KRT9: variants seen among roughly 807,000 people sequenced by gnomAD.
The protein encoded by KRT9 is keratin 9.
In KRT9, 34 loss-of-function variants were observed where a neutral mutation model predicts 51.4. The ratio of observed to expected loss-of-function variants is 0.66; its 90% confidence interval spans 0.50 to 0.88. The LOEUF (loss-of-function observed/expected upper bound fraction) is 0.88, where lower values mean the gene tolerates loss of function less well. KRT9 is among the 40% of genes least tolerant of loss of function. The probability of loss-of-function intolerance (pLI) is 0.00; values close to 1 mark genes in which losing one functional copy is unlikely to be tolerated. For synonymous variants in KRT9, 292 were observed against 289.7 expected, an observed-to-expected ratio of 1.01 and a Z score of -0.08; for missense variants, 753 against 790.3, an observed-to-expected ratio of 0.95 and a Z score of 0.57.
Position 41,567,635 on chromosome 17 carries a change from C to G in KRT9, c.1510G>C (p.Gly504Arg). The change falls in exon 7 of 8, where the codon GGT becomes CGT. Residue 504 changes from glycine (G) to arginine (R), a missense_variant. Gly to Arg is a moderately radical substitution (Grantham distance 125). This residue lies in a region of KRT9 where 507 missense variants were observed against 563.7 expected (regional missense o/e 0.90). Transcript: ENST00000246662. The part of the protein sequence containing the change: ...GGSYGGGGSG[G>R]GYGGGSGSRG... ...GACCCACTTCCTCCACCATAGCCACCTCCACTTCCTCCTCCACCATAGCTG... is the reference window on the plus strand; with the variant it reads ...GACCCACTTCCTCCACCATAGCCACGTCCACTTCCTCCTCCACCATAGCTG... The G allele has an allele frequency of 6.3e-7, 1 of 1,591,248 alleles. No homozygotes were observed. The highest frequency in any genetic ancestry group is 8.6e-7 in the Non-Finnish European group (1 of 1,168,868).
At chr17:41,566,472 C>T (rs1906880228) in intron 7 of KRT9, among the ~76,000 whole-genome samples, 2 of 152,156 alleles carry the variant, frequency 1.3e-5, no homozygotes, top group Non-Finnish European at 2.9e-5. Flanking sequence ...CAGCCTCACT[C>T]CTAGATGTAT....
chr17:41,567,458 C>T lies in KRT9; in HGVS notation c.1687G>A (p.Gly563Ser). Residue 563 changes from glycine (G) to serine (S), a missense_variant, in exon 7 of 8, where the codon GGC becomes AGC. Around this residue, in one of 3 missense-constraint regions of KRT9, gnomAD observed 507 missense variants for 563.7 expected, o/e 0.90. Coordinates refer to ENST00000246662, the MANE Select transcript of KRT9 (RefSeq NM_000226.4). ...CCACCCCCACTTCCTCCTCCAGAGCCACTTCCTCCTCCATAGTTGCCCCCA... is the reference window on the plus strand; with the variant it reads ...CCACCCCCACTTCCTCCTCCAGAGCTACTTCCTCCTCCATAGTTGCCCCCA... ...GSGGNYGGGS[G>S]SGGGSGGGYG... The T allele has an allele frequency of 6.5e-7, 1 of 1,549,938 alleles. No homozygotes were observed. Among genetic ancestry groups the T allele is most frequent in the Non-Finnish European group, 8.7e-7 (1 of 1,147,704 alleles).
intron 3 of KRT9, 92 bp from the exon 4 acceptor site, chr17:41,569,679 G>A: frequency 6.4e-7 from 1 of 1,558,520 alleles, no homozygotes; most frequent in Non-Finnish European, 8.8e-7. Context: ...GGTACAAAAA[G>A]GGGACACAGT....
At chr17:41,570,592 G>A (rs2144571321) in intron 1 of KRT9, among the ~76,000 whole-genome samples, 1 of 152,354 alleles carries the variant, frequency 6.6e-6, no homozygotes, top group Admixed American at 6.5e-5. Flanking sequence ...ACTTCAGGAA[G>A]GAGGTGGCTG....
At chr17:41,566,727 T>C (rs1178774941) in intron 7 of KRT9, among the ~76,000 whole-genome samples, 2 of 152,258 alleles carry the variant, frequency 1.3e-5, no homozygotes, top group African/African-American at 2.4e-5. Flanking sequence ...GTTCATCCTT[T>C]TGGCAGTTGC....
chr17:41,570,407 C>CTTCA (rs1272828837), intron 1 of KRT9, among the ~76,000 whole-genome samples, 187 bp from the exon 2 acceptor site: 3 of 152,186 alleles, frequency 2.0e-5, no homozygotes, highest in South Asian at 2.1e-4. Context: ...TTGGTGTGGC[C>CTTCA]TTCATTCATT....
rs201495509 is a variant in KRT9, at chr17:41,567,596, C to T, written c.1549G>A (p.Gly517Arg). The T allele has an allele frequency of 4.7e-5, 73 of 1,561,824 alleles. No individual in the cohort carries two copies. Among genetic ancestry groups the T allele is most frequent in the Non-Finnish European group, 5.0e-5 (58 of 1,153,292 alleles). The change falls in exon 7 of 8, where the codon GGA becomes AGA. Residue 517 changes from glycine to arginine, a missense_variant. By Grantham distance (125) the Gly-to-Arg change is moderately radical. Transcript: ENST00000246662. ...GGGSGSRGGSGGSYGGGSGSG... is the reference protein window; with the variant it reads ...GGGSGSRGGSRGSYGGGSGSG... ...CCACTTCCTCCACCGTAGCTGCCTC[C>T]ACTTCCTCCCCTGGACCCACTTCCT...
rs1373283893 is a variant in KRT9, at chr17:41,565,837, T to C, written c.*356A>G. The C allele has an allele frequency of 6.6e-6, 1 of 152,114 alleles. No individual in the cohort carries two copies. The highest frequency in any genetic ancestry group is 1.9e-4 in the East Asian group (1 of 5,174). The allele number at this position is 152,114 out of a possible 1,614,324, so 9.4% of individuals were successfully genotyped here. A position where few individuals can be genotyped will look rare whatever the true frequency, so the allele number is the denominator to read the frequency against. ...AGAACAAATGGGTCAAAGTCTGAGT[T>C]TGATTTGCAGTAGGGAAGCTTTATT... On this transcript the variant is annotated 3_prime_UTR_variant, in exon 8 of 8. Coordinates refer to ENST00000246662, the MANE Select transcript of KRT9 (RefSeq NM_000226.4).
Position 41,569,638 on chromosome 17 carries a change from C to T in KRT9, c.883-51G>A, listed in dbSNP as rs1205572447. On this transcript the variant is annotated intron_variant, in intron 3 of 7. Coordinates refer to ENST00000246662, the MANE Select transcript of KRT9 (RefSeq NM_000226.4). ...GTCACGGATAAAGTCCTCTGCACCA[C>T]CTTTCAGAATTCTCCCTCTGGTCCC... 10 of 1,606,616 alleles carry T rather than the reference C, an allele frequency of 6.2e-6. No homozygotes were observed. The East Asian group carries it at 2.0e-4, about 32-fold the overall frequency.
chr17:41,570,050 G>C, intron 2 of KRT9, 35 bp from the exon 3 acceptor site: 1 of 1,614,158 alleles, frequency 6.2e-7, no homozygotes, highest in Non-Finnish European at 8.5e-7. Flanking sequence ...ACAATCAAGA[G>C]GGAACCAGGC....
Position 41,567,400 on chromosome 17 carries a change from C to T in KRT9, c.1745G>A (p.Ser582Asn), listed in dbSNP as rs775942442. The T allele has an allele frequency of 6.3e-7, 1 of 1,588,810 alleles. No homozygotes were observed. The highest frequency in any genetic ancestry group is 8.6e-7 in the Non-Finnish European group (1 of 1,166,564). The change falls in exon 7 of 8, where the codon AGT (serine) becomes AAT (asparagine). Residue 582 changes from serine to asparagine, a missense_variant. By Grantham distance (46) the Ser-to-Asn change is conservative (BLOSUM62 1). Transcript: ENST00000246662. Reference sequence around the variant, plus strand: ...ACTTCCTCCACCATGGCTGCCTCCACTTCCTCCCCTGGACCCACTTCCTCC... The same window carrying T: ...ACTTCCTCCACCATGGCTGCCTCCATTTCCTCCCCTGGACCCACTTCCTCC... Reference protein sequence around the residue: ...YGGGSGSRGGSGGSHGGGSGF... With the variant: ...YGGGSGSRGGNGGSHGGGSGF...
Position 41,571,734 on chromosome 17 carries a change from C to G in KRT9, c.259G>C (p.Gly87Arg), listed in dbSNP as rs746424414. ...CTGGAACCACCCCCAAAGCCACCGC[C>G]TAAACTACTGGCACTAAAACCACCC... ...SGGGFSASSLGGGFGGGSRGF... is the reference protein window; with the variant it reads ...SGGGFSASSLRGGFGGGSRGF... Residue 87 changes from glycine (G) to arginine (R), a missense_variant, in exon 1 of 8, where the codon GGC becomes CGC. This residue lies in a region of KRT9 where 241 missense variants were observed against 210.3 expected (regional missense o/e 1.15). Coordinates refer to ENST00000246662, the MANE Select transcript of KRT9 (RefSeq NM_000226.4). 7.4e-6 allele frequency: 12 copies of G among 1,613,406 alleles called. No homozygotes were observed. The highest frequency in any genetic ancestry group is 1.0e-5 in the Non-Finnish European group (12 of 1,179,782).
chr17:41,567,901 G>T, intron 6 of KRT9, 151 bp from the exon 7 acceptor site: 1 of 1,467,168 alleles, frequency 6.8e-7, no homozygotes. Flanking sequence ...CACCACAGCT[G>T]GGAGAGGAGA....
intron 7 of KRT9, 124 bp downstream of exon 7, chr17:41,567,109 C>T (rs1906894708): frequency 6.7e-7 from 1 of 1,491,970 alleles, no homozygotes; most frequent in African/African-American, 1.4e-5. Context: ...TGACACCTCA[C>T]TAGAGATTTC....
rs1315684168 is a variant in KRT9 at position 41,568,494 on chromosome 17, G to T, written c.1170+14C>A. On this transcript the variant is annotated intron_variant, in intron 5 of 7. Transcript: ENST00000246662. The stretch of plus-strand genomic sequence containing the variant: ...GCCCCACCTTGGCAAAGGGTCTATA[G>T]CAGAACTACCAACCTTGCTGAGCTG... The T allele has an allele frequency of 1.2e-6, 2 of 1,614,010 alleles. No homozygotes were observed. Among genetic ancestry groups the T allele is most frequent in the East Asian group, 4.5e-5 (2 of 44,890 alleles).
Position 41,571,861 on chromosome 17 carries a change from C to T in KRT9, c.132G>A (p.Gly44=). Residue 44 remains glycine, a synonymous_variant, in exon 1 of 8, where the codon GGG becomes GGA. Transcript: ENST00000246662. The part of the protein sequence containing the change: ...RFSSSGGGGG[G]GRFSSSSGYG... Reference sequence around the variant, plus strand: ...AGCCACTAGAAGAGCTGAATCGGCCCCCTCCTCCACCGCCCCCTGAGGAGC... The same window carrying T: ...AGCCACTAGAAGAGCTGAATCGGCCTCCTCCTCCACCGCCCCCTGAGGAGC... 6.2e-7 allele frequency: 1 copy of T among 1,612,434 alleles called. No individual in the cohort carries two copies. Among genetic ancestry groups the T allele is most frequent in the Non-Finnish European group, 8.5e-7 (1 of 1,179,192 alleles).
rs1284097632 is a variant in KRT9, at chr17:41,569,841, T to C, written c.882+18A>G. 1.2e-6 allele frequency: 2 copies of C among 1,613,894 alleles called. No homozygotes were observed. The highest frequency in any genetic ancestry group is 3.3e-5 in the Admixed American group (2 of 60,004). ...GCTCCTCCCTCTTCCCGGTAAGCCA[T>C]AAGCCCCAGCAACCTACCTCCTTAT... is the stretch of plus-strand genomic sequence containing the variant. On this transcript the variant is annotated intron_variant, in intron 3 of 7. Coordinates refer to ENST00000246662, the MANE Select transcript of KRT9 (RefSeq NM_000226.4).
intron 3 of KRT9, 67 bp downstream of exon 3, chr17:41,569,792 C>A: frequency 6.3e-7 from 1 of 1,593,946 alleles, no homozygotes; most frequent in Non-Finnish European, 8.6e-7. Context: ...TGTTCCAAAG[C>A]TCCCCTGCTG....
Position 41,568,243 on chromosome 17 carries a change from CT to C in KRT9, c.1312del (p.Ser438AlafsTer?). ...CCGCATCTTAATGCTGAGCAGAAGGCTGTATTCCTGATTCTGGCACTCGATC... is the reference window on the plus strand; with the variant it reads ...CCGCATCTTAATGCTGAGCAGAAGGCGTATTCCTGATTCTGGCACTCGATC... Reference protein sequence around the residue: ...QEIECQNQEYSLLLSIKMRLE... With the variant: ...QEIECQNQEYXLLLSIKMRLE... On this transcript the variant is annotated frameshift_variant, in exon 6 of 8. Transcript: ENST00000246662. LOFTEE classifies it high-confidence loss of function. 1 of 1,614,158 alleles carries C rather than the reference CT, an allele frequency of 6.2e-7. No individual in the cohort carries two copies. The highest frequency in any genetic ancestry group is 8.5e-7 in the Non-Finnish European group (1 of 1,180,036).
Sources: gnomAD v4.1 joint callset for allele counts (sites outside exome capture counted in the v4.1 genomes callset) on GRCh38, gnomAD v4.1.1 for gene constraint, gnomAD v4.1.1 regional missense constraint, MANE v1.5 for transcripts, NCBI Gene and HGNC (gene_info 2026-07-23, HGNC 2026-07-21) for gene names.